The following LMX1B variants were observed in gnomAD, a reference collection of about 807,000 sequenced individuals.
LMX1B encodes the protein LIM homeobox transcription factor 1-beta.
LMX1B carries 12 observed loss-of-function variants against 51.4 expected under a neutral mutation model. The ratio of observed to expected loss-of-function variants is 0.23; its 90% CI spans 0.15 to 0.38. The LOEUF (loss-of-function observed/expected upper bound fraction) is 0.38, where lower values mean the gene tolerates loss of function less well. Ranked by LOEUF, LMX1B falls within the 10% of genes least tolerant of loss-of-function variation. LMX1B has a pLI of 1.00. For missense variants in LMX1B, 445 were observed against 571.1 expected, an observed-to-expected ratio of 0.78 and a Z score of 2.25; for synonymous variants, 237 against 235.4, an observed-to-expected ratio of 1.01 and a Z score of -0.06.
At chr9:126,628,328 C>T (rs887125056) in intron 2 of LMX1B, among the ~76,000 whole-genome samples, 12 of 152,190 alleles carry the variant, frequency 7.9e-5, no homozygotes, top group African/African-American at 2.4e-4. Flanking sequence ...ACACATCTGT[C>T]CTCCACATGT....
rs1478133231 is a variant in LMX1B at position 126,695,786 on chromosome 9, TA to T, written c.887-52del. 6.2e-7 allele frequency: 1 copy of T among 1,600,456 alleles called. No individual in the cohort carries two copies. Among genetic ancestry groups the T allele is most frequent in the African/African-American group, 1.3e-5 (1 of 74,534 alleles). ...ATCAGAAGGGGAGGCTGCTGGGGTGTAGCTGGGAGGGCGTGGACCAGGCCAG... is the reference window on the plus strand; with the variant it reads ...ATCAGAAGGGGAGGCTGCTGGGGTGTGCTGGGAGGGCGTGGACCAGGCCAG... On this transcript the variant is annotated intron_variant, in intron 6 of 7. Coordinates refer to ENST00000373474, the MANE Select transcript of LMX1B (RefSeq NM_001174147.2). This position sits in a 1 kb window ranked among gnomAD's most constrained non-coding sequence, Gnocchi z 5.2.
intron 4 of LMX1B, 57 bp from the exon 5 acceptor site, chr9:126,693,467 C>G (rs1391576693): frequency 6.3e-7 from 1 of 1,588,614 alleles, no homozygotes; most frequent in African/African-American, 1.3e-5. Context: ...CCTAAACCCA[C>G]CATCTCCCCG....
At chr9:126,656,682 C>A (rs1005563363) in intron 2 of LMX1B, among the ~76,000 whole-genome samples, 2 of 152,204 alleles carry the variant, frequency 1.3e-5, no homozygotes, top group East Asian at 1.9e-4. Flanking sequence ...GAGCTGAGTT[C>A]TCTGACATAT....
At chr9:126,693,931 G>A in intron 6 of LMX1B, 119 bp downstream of exon 6, 1 of 633,016 alleles carries the variant, frequency 1.6e-6, no homozygotes, top group Non-Finnish European at 2.8e-6. Flanking sequence ...GGCCAGGGCT[G>A]GGACCGGGGC....
At chr9:126,684,699 T>G (rs2118974822) in intron 2 of LMX1B, among the ~76,000 whole-genome samples, 1 of 152,278 alleles carries the variant, frequency 6.6e-6, no homozygotes, top group Non-Finnish European at 1.5e-5. Flanking sequence ...TGTCCAGGCC[T>G]GGTCCAATCA....
chr9:126,672,570 C>T (rs1836477356), intron 2 of LMX1B, among the ~76,000 whole-genome samples: 2 of 152,174 alleles, frequency 1.3e-5, no homozygotes, highest in South Asian at 2.1e-4. Context: ...TGCGAAGGGA[C>T]AGGCACTGTG....
chr9:126,637,875 C>T (rs1249230974), intron 2 of LMX1B, among the ~76,000 whole-genome samples: 1 of 150,554 alleles, frequency 6.6e-6, no homozygotes, highest in African/African-American at 2.4e-5. Context: ...GTACCCTCCC[C>T]TCCTCTCTGT....
intron 2 of LMX1B, among the ~76,000 whole-genome samples, chr9:126,628,867 G>A (rs1835581697): frequency 6.6e-6 from 1 of 152,082 alleles, no homozygotes; most frequent in African/African-American, 2.4e-5. Context: ...GGGGGTGTGG[G>A]AGGAATGACA....
In LMX1B at chr9:126,671,917, C is replaced by A. The variant is rs935499505; in HGVS notation, c.327-18919C>A. Among the ~76,000 whole-genome samples the A allele has an allele frequency of 1.1e-4, 17 of 152,262 alleles. No individual in the cohort carries two copies. The highest frequency in any genetic ancestry group is 4.6e-4 in the Admixed American group (7 of 15,288). ...TAGAGGTCGGCATTCTCCACCACCC[C>A]CTTCTCCTGGACTGGGGCTTCCAAG... On this transcript the variant is annotated intron_variant, in intron 2 of 7. Coordinates refer to ENST00000373474, the MANE Select transcript of LMX1B (RefSeq NM_001174147.2). The surrounding 1 kb of genome is among the most constrained non-coding windows in gnomAD (Gnocchi z 4.4).
At chr9:126,661,505 G>A (rs1475039008) in intron 2 of LMX1B, among the ~76,000 whole-genome samples, 7 of 152,192 alleles carry the variant, frequency 4.6e-5, no homozygotes, top group African/African-American at 1.7e-4. Flanking sequence ...TGTTTGTGGG[G>A]CAGCAGGAGC....
intron 2 of LMX1B, among the ~76,000 whole-genome samples, chr9:126,637,214 G>A (rs1401813592): frequency 6.6e-6 from 1 of 152,246 alleles, no homozygotes; most frequent in Non-Finnish European, 1.5e-5. Context: ...TGGAGAGGCA[G>A]GCTCAGCTCC....
intron 2 of LMX1B, among the ~76,000 whole-genome samples, chr9:126,686,279 CAA>C (rs5900718): frequency 1.8e-4 from 17 of 93,850 alleles, no homozygotes; most frequent in Admixed American, 2.4e-4. Flanking sequence ...GACTCCATCT[CAA>C]AAAAAAAAAA....
intron 2 of LMX1B, among the ~76,000 whole-genome samples, chr9:126,663,349 G>A (rs1283523419): frequency 2.0e-5 from 3 of 151,422 alleles, no homozygotes; most frequent in Non-Finnish European, 2.9e-5. Context: ...CACTTAACCC[G>A]GGAGGCAGAG....
chr9:126,634,602 A>ACCC (rs55720446), intron 2 of LMX1B, among the ~76,000 whole-genome samples: 8 of 150,212 alleles, frequency 5.3e-5, no homozygotes, highest in African/African-American at 1.5e-4. Context: ...GGTTCTGCAC[A>ACCC]CCCCCCCCAC....
At chr9:126,621,997 CTT>C (rs1309656995) in intron 2 of LMX1B, among the ~76,000 whole-genome samples, 4 of 152,156 alleles carry the variant, frequency 2.6e-5, no homozygotes, top group Non-Finnish European at 5.9e-5. Context: ...TGGGCCCTTC[CTT>C]TGTTATTCCC....
chr9:126,616,843 A>T (rs1159713743), intron 2 of LMX1B, among the ~76,000 whole-genome samples: 1 of 152,158 alleles, frequency 6.6e-6, no homozygotes, highest in African/African-American at 2.4e-5. Flanking sequence ...TCTACCCCAA[A>T]AGGCTCTGGC....
intron 2 of LMX1B, among the ~76,000 whole-genome samples, chr9:126,678,309 C>G (rs1432719652): frequency 1.5e-5 from 1 of 66,004 alleles, no homozygotes; most frequent in South Asian, 4.8e-4. Flanking sequence ...GACTTCGTCT[C>G]AAAAAAAAAA....
intron 2 of LMX1B, among the ~76,000 whole-genome samples, chr9:126,688,013 TC>T (rs939222988): frequency 6.6e-6 from 1 of 152,060 alleles, no homozygotes; most frequent in South Asian, 2.1e-4. Context: ...ATTTCATGCA[TC>T]CCCCCCGATG....
In LMX1B at chr9:126,699,817, T is replaced by G. The variant is rs1009479653; in HGVS notation, c.*3366T>G. The G allele has an allele frequency of 6.6e-6, 1 of 152,182 alleles. No homozygotes were observed. Among genetic ancestry groups the G allele is most frequent in the African/African-American group, 2.4e-5 (1 of 41,416 alleles). The allele number at this position is 152,182 out of a possible 1,614,324, so 9.4% of individuals were successfully genotyped here. A position where few individuals can be genotyped will look rare whatever the true frequency, so the allele number is the denominator to read the frequency against. ...GTGGGGCTGGGCAACCTTCTCCCAC[T>G]TTATGGGAGGAGCTGCAGCCTTGGC... On this transcript the variant is annotated 3_prime_UTR_variant, in exon 8 of 8. Transcript: ENST00000373474.
Sources: gnomAD v4.1 joint callset for allele counts (sites outside exome capture counted in the v4.1 genomes callset) on GRCh38, gnomAD v4.1.1 for gene constraint, Gnocchi (gnomAD v3.1) non-coding constraint, MANE v1.5 for transcripts, NCBI Gene and HGNC (gene_info 2026-07-23, HGNC 2026-07-21) for gene names.